The following KCNMA1 variants were observed in gnomAD, a reference collection of about 807,000 sequenced individuals.
KCNMA1 encodes potassium calcium-activated channel subfamily M alpha 1.
A neutral mutation model predicts 140.0 loss-of-function variants in KCNMA1; 29 were observed. The observed-to-expected ratio is 0.21, with a 90% CI of 0.15 to 0.28. KCNMA1 has a LOEUF of 0.28. Among genes scored for constraint, KCNMA1 ranks in the 10% least tolerant of loss-of-function variants. The pLI, the probability that KCNMA1 is intolerant of heterozygous loss-of-function variation, is 1.00. For synonymous variants in KCNMA1, 612 were observed against 611.9 expected (o/e 1.00, Z 0.00); for missense variants, 880 against 1,602.2 (o/e 0.55, Z 7.70).
chr10:77,357,128 G>A (rs1249621460), intron 2 of KCNMA1, among the ~76,000 whole-genome samples: 2 of 152,200 alleles, frequency 1.3e-5, no homozygotes, highest in Non-Finnish European at 2.9e-5. Context: ...AGAGACTGAA[G>A]AACATCATTT....
At chr10:76,913,995 T>C (rs1172227977) in intron 24 of KCNMA1, 2 of 1,275,840 alleles carry the variant, frequency 1.6e-6, no homozygotes, top group East Asian at 2.5e-5. Flanking sequence ...CTGATGATAG[T>C]TGGAAACACC....
chr10:77,136,664 T>G (rs1307004480), intron 5 of KCNMA1, among the ~76,000 whole-genome samples: 1 of 151,806 alleles, frequency 6.6e-6, no homozygotes, highest in Admixed American at 6.6e-5. Flanking sequence ...TATAGGTATG[T>G]GTAAAATGAA....
At chr10:77,135,146 C>G (rs191600658) in intron 5 of KCNMA1, among the ~76,000 whole-genome samples, 1 of 150,492 alleles carries the variant, frequency 6.6e-6, no homozygotes, top group Admixed American at 6.6e-5. Flanking sequence ...ATCTCAATAG[C>G]AAGAAAGCAA....
chr10:77,353,565 C>A (rs1227066461), intron 2 of KCNMA1, among the ~76,000 whole-genome samples: 1 of 151,752 alleles, frequency 6.6e-6, no homozygotes, highest in Non-Finnish European at 1.5e-5. Context: ...GATGCTGTTA[C>A]AAGTGTTTTC....
rs375804801 is a variant in KCNMA1, at chr10:77,492,618, A to G, written c.379-88595T>C. Among the ~76,000 whole-genome samples the G allele has an allele frequency of 5.0e-4, 76 of 152,364 alleles. 1 individual carries two copies. Among genetic ancestry groups the G allele is most frequent in the African/African-American group, 1.8e-3 (75 of 41,588 alleles). On this transcript the variant is annotated intron_variant, in intron 1 of 27. Coordinates refer to ENST00000286628, the MANE Select transcript of KCNMA1 (RefSeq NM_001161352.2). Reference sequence around the variant, plus strand: ...CTTTGCAAGTAGTGCTCTAAGCAAGACTACAGATGCAAGAGCCTCACGGTC... The same window carrying G: ...CTTTGCAAGTAGTGCTCTAAGCAAGGCTACAGATGCAAGAGCCTCACGGTC...
intron 2 of KCNMA1, among the ~76,000 whole-genome samples, chr10:77,295,424 TG>T (rs1263355386): frequency 6.6e-6 from 1 of 151,750 alleles, no homozygotes; most frequent in Admixed American, 6.6e-5. Context: ...CACGCATATA[TG>T]TGTGCACATA....
In KCNMA1 at chr10:77,637,023, G is replaced by A. The variant is rs1346534880; in HGVS notation, c.378+242C>T. On this transcript the variant is annotated intron_variant, in intron 1 of 27. Transcript: ENST00000286628. ...CCAACAACCCTACAATAAACAAGAG[G>A]ACAGGATTGAGCGTCCGCGTCCCGG... 40 of 1,415,654 alleles carry A rather than the reference G, an allele frequency of 2.8e-5. No homozygotes were observed. The East Asian group carries it at 9.9e-4, about 35-fold the overall frequency. The allele number at this position is 1,415,654 out of a possible 1,614,324, so 87.7% of individuals were successfully genotyped here. A position where few individuals can be genotyped will look rare whatever the true frequency, so the allele number is the denominator to read the frequency against.
chr10:77,184,062 T>TCACACACACACACACACA (rs3068684), intron 4 of KCNMA1, among the ~76,000 whole-genome samples: 69 of 148,002 alleles, frequency 4.7e-4, no homozygotes, highest in Middle Eastern at 3.4e-3. Flanking sequence ...ATGTACGCAT[T>TCACACACACACACACACA]CACACACACA....
intron 2 of KCNMA1, among the ~76,000 whole-genome samples, chr10:77,261,030 A>C (rs1364342300): frequency 6.6e-6 from 1 of 152,176 alleles, no homozygotes; most frequent in Admixed American, 6.5e-5. Context: ...TGATTCCTCT[A>C]ATCAGAAAGA....
At chr10:77,073,850 G>C (rs1206601056) in intron 13 of KCNMA1, among the ~76,000 whole-genome samples, 2 of 152,102 alleles carry the variant, frequency 1.3e-5, no homozygotes. Flanking sequence ...AGAACCACTG[G>C]CCTAAAACAT....
At chr10:77,471,852 CTA>C (rs897878339) in intron 1 of KCNMA1, among the ~76,000 whole-genome samples, 3 of 151,908 alleles carry the variant, frequency 2.0e-5, no homozygotes, top group Non-Finnish European at 2.9e-5. Flanking sequence ...CATGTACACA[CTA>C]TACACACATC....
intron 5 of KCNMA1, among the ~76,000 whole-genome samples, chr10:77,175,947 T>A (rs920832315): frequency 1.5e-4 from 23 of 152,192 alleles, no homozygotes; most frequent in African/African-American, 5.3e-4. Context: ...AAATTACTGA[T>A]GTCAGGAAAC....
chr10:77,238,525 G>A (rs111916692), intron 3 of KCNMA1, among the ~76,000 whole-genome samples: 9 of 152,160 alleles, frequency 5.9e-5, no homozygotes, highest in African/African-American at 1.9e-4. Flanking sequence ...GAGGTAGGAA[G>A]CCCAGGGCCT....
At chr10:76,896,169 T>C (rs995740576) in intron 25 of KCNMA1, among the ~76,000 whole-genome samples, 1 of 152,184 alleles carries the variant, frequency 6.6e-6, no homozygotes, top group Non-Finnish European at 1.5e-5. Flanking sequence ...TGCAACTCCA[T>C]AAGGCAGACA....
chr10:77,304,779 T>TGTTACTACTG (rs753892981), intron 2 of KCNMA1, among the ~76,000 whole-genome samples: 1 of 152,204 alleles, frequency 6.6e-6, no homozygotes, highest in Non-Finnish European at 1.5e-5. Context: ...TACCTAAAGA[T>TGTTACTACTG]GTTACTACTG....
chr10:77,149,373 T>C (rs894102682), intron 5 of KCNMA1, among the ~76,000 whole-genome samples: 8 of 152,250 alleles, frequency 5.3e-5, no homozygotes, highest in Non-Finnish European at 8.8e-5. Flanking sequence ...GCAAGTCTCA[T>C]TTTGTAATTC....
At chr10:76,919,649 A>G (rs1590662323) in intron 23 of KCNMA1, among the ~76,000 whole-genome samples, 1 of 152,106 alleles carries the variant, frequency 6.6e-6, no homozygotes, top group African/African-American at 2.4e-5. Context: ...AAATTCTGGC[A>G]CCTCCACCTA....
chr10:77,172,362 T>A (rs940831663), intron 5 of KCNMA1, among the ~76,000 whole-genome samples: 4 of 152,146 alleles, frequency 2.6e-5, no homozygotes, highest in African/African-American at 9.7e-5. Flanking sequence ...AACAGAGCCA[T>A]GCAAATCAAT....
At chr10:77,220,901 A>T (rs1393472134) in intron 3 of KCNMA1, among the ~76,000 whole-genome samples, 1 of 152,152 alleles carries the variant, frequency 6.6e-6, no homozygotes, top group South Asian at 2.1e-4. Context: ...GGGTTCTACA[A>T]ATAATGTCCC....
Sources: allele counts gnomAD v4.1 joint callset (sites outside exome capture counted in the v4.1 genomes callset), GRCh38; gene constraint gnomAD v4.1.1; transcripts MANE v1.5; gene names NCBI Gene and HGNC (gene_info 2026-07-23, HGNC 2026-07-21).